KIF6: variants seen among roughly 807,000 people sequenced by gnomAD.
KIF6 encodes kinesin-like protein KIF6.
In KIF6, 106 loss-of-function variants were observed where a neutral mutation model predicts 112.7. The observed-to-expected ratio is 0.94, with a 90% confidence interval of 0.80 to 1.11. The LOEUF (loss-of-function observed/expected upper bound fraction) is 1.11, where lower values mean the gene tolerates loss of function less well. Ranked by LOEUF, KIF6 falls within the 50% of genes least tolerant of loss-of-function variation. The pLI is 0.00. For missense variants in KIF6, 929 were observed against 964.0 expected, an observed-to-expected ratio of 0.96 and a Z score of 0.48; for synonymous variants, 339 against 339.9, an observed-to-expected ratio of 1.00 and a Z score of 0.03.
At chr6:39,592,157 T>C (rs1276555366) in intron 7 of KIF6, among the ~76,000 whole-genome samples, 2 of 152,160 alleles carry the variant, frequency 1.3e-5, no homozygotes, top group Admixed American at 1.3e-4. Flanking sequence ...TTTTTATTGT[T>C]TCCTTCCATC....
chr6:39,422,658 C>T (rs1290247838), intron 14 of KIF6, among the ~76,000 whole-genome samples: 2 of 151,922 alleles, frequency 1.3e-5, no homozygotes, highest in African/African-American at 2.4e-5. Context: ...AGGCTAAGGA[C>T]TCGGTTAGGA....
chr6:39,592,136 A>AAACC lies in KIF6; in HGVS notation c.846+3914_846+3917dup, dbSNP rs1781989240. 1.3e-5 allele frequency among the ~76,000 whole-genome samples: 2 copies of AAACC among 152,140 alleles called. 1 individual carries two copies. The highest frequency in any genetic ancestry group is 4.1e-4 in the South Asian group (2 of 4,828). On this transcript the variant is annotated intron_variant, in intron 7 of 22. Transcript: ENST00000287152. ...CAAAAAAACAAACAAACAAACAAAC[A>AAACC]AACCTGACTTTTTTTATTGTTTCCT...
intron 1 of KIF6, 48 bp from the exon 2 acceptor site, chr6:39,720,859 C>T (rs1790177469): frequency 1.2e-6 from 1 of 814,586 alleles, no homozygotes; most frequent in South Asian, 1.4e-5. Flanking sequence ...GAAATTATGG[C>T]TTGAACTATC....
chr6:39,446,616 C>T (rs965111565), intron 13 of KIF6, among the ~76,000 whole-genome samples: 2 of 152,158 alleles, frequency 1.3e-5, no homozygotes, highest in Non-Finnish European at 2.9e-5. Context: ...GCCTCAGCTT[C>T]CTGAGCAGCT....
intron 5 of KIF6, among the ~76,000 whole-genome samples, chr6:39,631,942 A>C (rs1275592401): frequency 6.6e-6 from 1 of 152,140 alleles, no homozygotes; most frequent in Non-Finnish European, 1.5e-5. Context: ...AACTTCTATA[A>C]TAGTTATTGA....
chr6:39,553,297 T>G (rs1051810477), intron 10 of KIF6, among the ~76,000 whole-genome samples: 1 of 152,038 alleles, frequency 6.6e-6, no homozygotes, highest in African/African-American at 2.4e-5. Context: ...TCCTATAGAG[T>G]TTTCCTTCTG....
intron 13 of KIF6, among the ~76,000 whole-genome samples, chr6:39,525,047 T>C (rs1220201558): frequency 6.6e-6 from 1 of 152,244 alleles, no homozygotes; most frequent in African/African-American, 2.4e-5. Context: ...TAGTTAACTT[T>C]TCTGTTGCCT....
chr6:39,346,086 C>CTCTCTCTCTCTCTCTCTCTCTCTCTCTCT lies in KIF6; in HGVS notation c.2232-298_2232-297insAGAGAGAGAGAGAGAGAGAGAGAGAGAGA, dbSNP rs1326236666. Among the ~76,000 whole-genome samples, 2 of 26,994 alleles carry CTCTCTCTCTCTCTCTCTCTCTCTCTCTCT rather than the reference C, an allele frequency of 7.4e-5. 1 individual carries two copies. The highest frequency in any genetic ancestry group is 3.5e-4 in the African/African-American group (2 of 5,796). The allele number at this position is 26,994 out of a possible 152,430, so 17.7% of individuals were successfully genotyped here. ...TCTCTCTCTCTCTCTCTCTCTCTCT[C>CTCTCTCTCTCTCTCTCTCTCTCTCTCTCT]CCCCCCCTCTCCCTCCCCCCCTCCC... On this transcript the variant is annotated intron_variant, in intron 20 of 22. Coordinates refer to ENST00000287152, the MANE Select transcript of KIF6 (RefSeq NM_145027.6).
chr6:39,615,662 C>CT (rs754580800), intron 5 of KIF6, among the ~76,000 whole-genome samples: 3 of 152,086 alleles, frequency 2.0e-5, no homozygotes, highest in Non-Finnish European at 4.4e-5. Flanking sequence ...TTTAATATCC[C>CT]TTCTAGTAGA....
chr6:39,578,328 G>GGTT (rs1781089247), intron 9 of KIF6, among the ~76,000 whole-genome samples, 169 bp from the exon 10 acceptor site: 4 of 128,472 alleles, frequency 3.1e-5, no homozygotes, highest in African/African-American at 1.4e-4. Context: ...AATAGTTCTA[G>GGTT]ATTTTTTTTT....
chr6:39,374,144 A>G (rs1766246699), intron 16 of KIF6, among the ~76,000 whole-genome samples: 2 of 152,238 alleles, frequency 1.3e-5, no homozygotes, highest in South Asian at 4.1e-4. Flanking sequence ...TTTCTTCAAT[A>G]AAAGGTGTTG....
intron 1 of KIF6, among the ~76,000 whole-genome samples, chr6:39,723,687 T>C (rs939256962): frequency 7.9e-5 from 12 of 152,060 alleles, no homozygotes; most frequent in Non-Finnish European, 1.5e-5. Context: ...AAGTGGGAGC[T>C]GAACAATGAG....
chr6:39,472,816 GTGTTAA>G lies in KIF6; in HGVS notation c.1646-41661_1646-41656del, dbSNP rs201757918. On this transcript the variant is annotated intron_variant, in intron 13 of 22. Transcript: ENST00000287152. ...CACCTTTTGTTTTGATGCAACTACAGTGTTAATGTCACCAGATTCTTCAATAACAAA... is the reference window on the plus strand; with the variant it reads ...CACCTTTTGTTTTGATGCAACTACAGTGTCACCAGATTCTTCAATAACAAA... Among the ~76,000 whole-genome samples the G allele has an allele frequency of 8.2e-3, 1,251 of 152,008 alleles. 14 individuals carry two copies. The highest frequency in any genetic ancestry group is 0.028 in the African/African-American group (1,176 of 41,472).
At chr6:39,404,710 C>A (rs1231210055) in intron 15 of KIF6, among the ~76,000 whole-genome samples, 1 of 152,136 alleles carries the variant, frequency 6.6e-6, no homozygotes, top group East Asian at 1.9e-4. Context: ...ACACAAAGTT[C>A]TGCTGGGATT....
chr6:39,345,809 A>G lies in KIF6; in HGVS notation c.2232-20T>C, dbSNP rs1763664778. 1 of 1,597,676 alleles carries G rather than the reference A, an allele frequency of 6.3e-7. No individual in the cohort carries two copies. The highest frequency in any genetic ancestry group is 8.6e-7 in the Non-Finnish European group (1 of 1,168,288). ...ACATCACTGCAAAACACAAACAAAC[A>G]AAAGCAAAAGGAATGGGGGCAAATT... is the stretch of plus-strand genomic sequence containing the variant. On this transcript the variant is annotated intron_variant, in intron 20 of 22. Coordinates refer to ENST00000287152, the MANE Select transcript of KIF6 (RefSeq NM_145027.6).
At chr6:39,373,665 G>A (rs571332804) in intron 16 of KIF6, among the ~76,000 whole-genome samples, 2 of 151,928 alleles carry the variant, frequency 1.3e-5, no homozygotes, top group African/African-American at 2.4e-5. Context: ...CAAAAATTGG[G>A]TGTAAATTTA....
Position 39,332,057 on chromosome 6 carries a change from C to G in KIF6, c.*4475G>C, listed in dbSNP as rs1030489942. The G allele has an allele frequency of 2.0e-5, 3 of 151,970 alleles. No homozygotes were observed. Among genetic ancestry groups the G allele is most frequent in the Non-Finnish European group, 2.9e-5 (2 of 68,044 alleles). 9.4% of individuals were successfully genotyped at this position (151,970 alleles called of 1,614,324 possible). ...CTGCCTCCTGGGCTCAAGCAATTCT[C>G]CTGCCTCAGCCTCTGAGTAGCTGGG... is the stretch of plus-strand genomic sequence containing the variant. On this transcript the variant is annotated 3_prime_UTR_variant, in exon 23 of 23. Transcript: ENST00000287152.
intron 12 of KIF6, among the ~76,000 whole-genome samples, chr6:39,542,445 C>T (rs921436751): frequency 1.3e-5 from 2 of 152,158 alleles, no homozygotes; most frequent in South Asian, 2.1e-4. Flanking sequence ...TGATGTCGTT[C>T]GCAGTCATTT....
chr6:39,474,670 T>A (rs868242508), intron 13 of KIF6, among the ~76,000 whole-genome samples: 6 of 152,370 alleles, frequency 3.9e-5, no homozygotes, highest in Middle Eastern at 3.4e-3. Context: ...AAGCTTCTCC[T>A]CCACCTCTTT....
Sources: allele counts gnomAD v4.1 joint callset (sites outside exome capture counted in the v4.1 genomes callset), GRCh38; gene constraint gnomAD v4.1.1; transcripts MANE v1.5; gene names NCBI Gene and HGNC (gene_info 2026-07-23, HGNC 2026-07-21).